The following EIPR1 variants were observed in gnomAD, a reference collection of about 807,000 sequenced individuals.
EIPR1 encodes EARP complex and GARP complex interacting protein 1, also known as EARP and GARP complex-interacting protein 1.
Under a neutral mutation model 48.1 loss-of-function variants are expected in EIPR1, and 25 were observed. The observed-to-expected ratio is 0.52, with a 90% CI of 0.38 to 0.73. EIPR1 has a LOEUF of 0.73. Among genes scored for constraint, EIPR1 ranks in the 30% least tolerant of loss-of-function variants. The pLI, the probability that EIPR1 is intolerant of heterozygous loss-of-function variation, is 0.00. For missense variants in EIPR1, 415 were observed against 506.2 expected, an observed-to-expected ratio of 0.82 and a Z score of 1.73; for synonymous variants, 204 against 201.9, an observed-to-expected ratio of 1.01 and a Z score of -0.09.
chr2:3,356,146 G>C (rs1670721893), intron 1 of EIPR1, among the ~76,000 whole-genome samples: 1 of 152,188 alleles, frequency 6.6e-6, no homozygotes, highest in African/African-American at 2.4e-5. Context: ...TCAGAGTTAA[G>C]GCCAGATGGC....
intron 4 of EIPR1, among the ~76,000 whole-genome samples, chr2:3,250,585 T>C (rs1328144263): frequency 1.3e-5 from 2 of 152,160 alleles, no homozygotes; most frequent in Non-Finnish European, 2.9e-5. Context: ...CATGAGCTCT[T>C]TGAGGGCAGA....
chr2:3,332,405 G>A (rs902717370), intron 3 of EIPR1, among the ~76,000 whole-genome samples: 2 of 152,220 alleles, frequency 1.3e-5, no homozygotes. Flanking sequence ...CTAATTCCCT[G>A]CGTGACCAGG....
intron 3 of EIPR1, among the ~76,000 whole-genome samples, chr2:3,296,772 A>G (rs952156528): frequency 2.0e-5 from 3 of 151,718 alleles, no homozygotes; most frequent in East Asian, 3.9e-4. Context: ...ACACACACAG[A>G]TTGTTCCCTC....
At chr2:3,226,044 T>C (rs1455131296) in intron 4 of EIPR1, among the ~76,000 whole-genome samples, 1 of 152,256 alleles carries the variant, frequency 6.6e-6, no homozygotes, top group Non-Finnish European at 1.5e-5. Context: ...ATCTGTCAAA[T>C]GGACAATTGC....
chr2:3,337,141 A>G (rs991293109), intron 3 of EIPR1, among the ~76,000 whole-genome samples: 1 of 151,748 alleles, frequency 6.6e-6, no homozygotes, highest in Non-Finnish European at 1.5e-5. Context: ...GGGAACAGGG[A>G]AGGGAAGGGA....
At chr2:3,233,469 T>A (rs1261186891) in intron 4 of EIPR1, among the ~76,000 whole-genome samples, 1 of 152,154 alleles carries the variant, frequency 6.6e-6, no homozygotes, top group Non-Finnish European at 1.5e-5. Flanking sequence ...AACACAGACA[T>A]GTTTCCCAAA....
intron 8 of EIPR1, among the ~76,000 whole-genome samples, 159 bp downstream of exon 8, chr2:3,192,255 C>A (rs1558211762): frequency 6.6e-6 from 1 of 152,330 alleles, no homozygotes; most frequent in East Asian, 1.9e-4. Flanking sequence ...AATGACGGCA[C>A]CCCTGGAACT....
intron 4 of EIPR1, among the ~76,000 whole-genome samples, chr2:3,224,825 CCT>C (rs1294227762): frequency 1.3e-5 from 2 of 152,204 alleles, no homozygotes; most frequent in Non-Finnish European, 2.9e-5. Context: ...TGCCGGAACC[CCT>C]GTTACATCTG....
rs532064813 is a variant in EIPR1 at position 3,208,844 on chromosome 2, G to A, written c.516+5305C>T. ...CCCGTGGCAGGTGCAGGTGTCTGGG[G>A]CCATCCCTGTTCCCCGACTCCAGTG... is the stretch of plus-strand genomic sequence containing the variant. On this transcript the variant is annotated intron_variant, in intron 5 of 8. Transcript: ENST00000382125. The A allele has an allele frequency of 5.8e-6, 9 of 1,550,488 alleles. 1 individual carries two copies. In the African/African-American group the frequency reaches 9.6e-5, roughly 16 times the overall value.
chr2:3,278,039 C>A (rs1402896389), intron 3 of EIPR1, among the ~76,000 whole-genome samples: 1 of 152,210 alleles, frequency 6.6e-6, no homozygotes, highest in African/African-American at 2.4e-5. Flanking sequence ...CACTAGGGAA[C>A]TGCCCTTCCT....
chr2:3,211,275 C>T (rs911026579), intron 5 of EIPR1, among the ~76,000 whole-genome samples: 2 of 40,694 alleles, frequency 4.9e-5, no homozygotes, highest in Admixed American at 4.0e-4. Flanking sequence ...TTAACACTAA[C>T]GAAACAAGCC....
At chr2:3,333,590 AATCAGCCAGATATGGTAGTGC>A (rs1051279322) in intron 3 of EIPR1, among the ~76,000 whole-genome samples, 8 of 151,938 alleles carry the variant, frequency 5.3e-5, no homozygotes, top group Admixed American at 4.6e-4. Context: ...TTTTTTTAAA[AATCAGCCAGATATGGTAGTGC>A]ATACCTGTGG....
chr2:3,249,361 C>T (rs1012381941), intron 4 of EIPR1, among the ~76,000 whole-genome samples: 1 of 152,192 alleles, frequency 6.6e-6, no homozygotes, highest in African/African-American at 2.4e-5. Flanking sequence ...GAAGTTTGAA[C>T]TTAAAAGAAA....
In EIPR1 at chr2:3,368,553, A is replaced by G. The variant is rs140965596; in HGVS notation, c.42+9095T>C. Among the ~76,000 whole-genome samples the G allele has an allele frequency of 5.1e-4, 78 of 152,334 alleles. No homozygotes were observed. The East Asian group carries it at 9.3e-3, about 18-fold the overall frequency. On this transcript the variant is annotated intron_variant, in intron 1 of 8. Coordinates refer to ENST00000382125, the MANE Select transcript of EIPR1 (RefSeq NM_003310.5). ...CAGAGCCACCACTGCCTAGAGGTTC[A>G]CTGTTCCCATCACAAGGCAAGTTTG... is the stretch of plus-strand genomic sequence containing the variant.
In EIPR1 at chr2:3,203,031, A is replaced by G. The variant is rs1172700665; in HGVS notation, c.517-6014T>C. On this transcript the variant is annotated intron_variant, in intron 5 of 8. Coordinates refer to ENST00000382125, the MANE Select transcript of EIPR1 (RefSeq NM_003310.5). ...TGCAATGAAAAGAAATCACTCAACA[A>G]ATACAACTCGTTATCAGTTACTCAA... Among the ~76,000 whole-genome samples the G allele has an allele frequency of 6.6e-5, 10 of 152,166 alleles. No homozygotes were observed. The East Asian group carries it at 1.9e-3, about 29-fold the overall frequency.
chr2:3,200,775 C>T (rs1310158767), intron 5 of EIPR1, among the ~76,000 whole-genome samples: 1 of 152,096 alleles, frequency 6.6e-6, no homozygotes, highest in Non-Finnish European at 1.5e-5. Flanking sequence ...GTAGGCTCAC[C>T]AAGGCAGCCG....
intron 3 of EIPR1, among the ~76,000 whole-genome samples, chr2:3,260,560 GAAAGAAAGAAAACAAAAGA>G (rs1247270730): frequency 2.6e-5 from 4 of 151,124 alleles, no homozygotes; most frequent in Non-Finnish European, 5.9e-5. Context: ...GGAAAGAAAG[GAAAGAAAGAAAACAAAAGA>G]AAAGAAAAGA....
At chr2:3,341,073 G>A (rs1441964883) in intron 2 of EIPR1, among the ~76,000 whole-genome samples, 3 of 128,524 alleles carry the variant, frequency 2.3e-5, no homozygotes, top group Non-Finnish European at 4.7e-5. Context: ...TCCAGCCTGG[G>A]TGACAGAGTG....
intron 3 of EIPR1, chr2:3,320,000 G>A: frequency 5.1e-6 from 1 of 196,468 alleles, no homozygotes; most frequent in South Asian, 7.1e-5. Context: ...CACACCTGCG[G>A]GCAACACCAC....
Sources: gnomAD v4.1 joint callset for allele counts (sites outside exome capture counted in the v4.1 genomes callset) on GRCh38, gnomAD v4.1.1 for gene constraint, MANE v1.5 for transcripts, NCBI Gene and HGNC (gene_info 2026-07-23, HGNC 2026-07-21) for gene names.